CNTN5: variants seen among roughly 807,000 people sequenced by gnomAD.
CNTN5 encodes contactin-5.
CNTN5 carries 77 observed loss-of-function variants against 129.1 expected under a neutral mutation model. The observed-to-expected ratio is 0.60, with a 90% confidence interval of 0.50 to 0.72. The LOEUF (loss-of-function observed/expected upper bound fraction) is 0.72, where lower values mean the gene tolerates loss of function less well. Among genes scored for constraint, CNTN5 ranks in the 30% least tolerant of loss-of-function variants. The pLI is 0.00. For synonymous variants in CNTN5, 509 were observed against 465.6 expected, an observed-to-expected ratio of 1.09 and a Z score of -1.20; for missense variants, 1,478 against 1,328.8, an observed-to-expected ratio of 1.11 and a Z score of -1.75.
chr11:99,083,716 A>C (rs147430783), intron 1 of CNTN5, among the ~76,000 whole-genome samples: 1 of 152,204 alleles, frequency 6.6e-6, no homozygotes, highest in African/African-American at 2.4e-5. Context: ...TTTTTAGTGG[A>C]GAAAACATTA....
chr11:99,505,190 A>T (rs1253405646), intron 2 of CNTN5, among the ~76,000 whole-genome samples: 5 of 152,136 alleles, frequency 3.3e-5, no homozygotes, highest in Non-Finnish European at 7.4e-5. Context: ...GGACTTGTTT[A>T]ATTTATATTA....
rs376819903 is a variant in CNTN5 at position 99,684,788 on chromosome 11, G to A, written c.55+128519G>A. 4.0e-3 allele frequency among the ~76,000 whole-genome samples: 614 copies of A among 151,620 alleles called. 4 individuals are homozygous for A. The highest frequency in any genetic ancestry group is 0.013 in the African/African-American group (534 of 41,402). ...CTTTCCTGTTATTTCATATCTGAGG[G>A]ATCTATATTGATGATTCTATTTTGG... On this transcript the variant is annotated intron_variant, in intron 3 of 24. Coordinates refer to ENST00000524871, the MANE Select transcript of CNTN5 (RefSeq NM_014361.4).
chr11:99,566,065 C>T (rs780434017), intron 3 of CNTN5, among the ~76,000 whole-genome samples: 1 of 152,132 alleles, frequency 6.6e-6, no homozygotes, highest in African/African-American at 2.4e-5. Flanking sequence ...CTGCAAATCT[C>T]GTGTTGAAAT....
chr11:99,072,195 A>G (rs1865366249), intron 1 of CNTN5, among the ~76,000 whole-genome samples: 1 of 152,046 alleles, frequency 6.6e-6, no homozygotes, highest in Non-Finnish European at 1.5e-5. Flanking sequence ...TTGGTGATGA[A>G]ATTGTTGAGT....
chr11:99,514,030 A>G (rs1946946682), intron 2 of CNTN5, among the ~76,000 whole-genome samples: 1 of 152,134 alleles, frequency 6.6e-6, no homozygotes, highest in Non-Finnish European at 1.5e-5. Context: ...AATATTTGTT[A>G]TTCATGGAAG....
chr11:99,884,657 T>C (rs1462192013), intron 6 of CNTN5, among the ~76,000 whole-genome samples: 1 of 152,152 alleles, frequency 6.6e-6, no homozygotes, highest in Non-Finnish European at 1.5e-5. Context: ...AGTGAAACTG[T>C]AGAACATATA....
intron 3 of CNTN5, among the ~76,000 whole-genome samples, chr11:99,567,758 C>G (rs1949053746): frequency 6.6e-6 from 1 of 152,114 alleles, no homozygotes; most frequent in East Asian, 1.9e-4. Flanking sequence ...ATAATGGAGA[C>G]TACCTCTGTG....
intron 16 of CNTN5, among the ~76,000 whole-genome samples, chr11:100,246,277 A>G (rs904217562): frequency 1.3e-5 from 2 of 152,172 alleles, no homozygotes; most frequent in Non-Finnish European, 2.9e-5. Flanking sequence ...TAAGGTTGAC[A>G]TTATCATTCT....
intron 2 of CNTN5, among the ~76,000 whole-genome samples, chr11:99,334,630 T>C (rs1866143339): frequency 6.6e-6 from 1 of 152,150 alleles, no homozygotes; most frequent in Admixed American, 6.6e-5. Context: ...TAAAGATAGC[T>C]ACTAGCCACA....
intron 15 of CNTN5, among the ~76,000 whole-genome samples, chr11:100,195,129 T>G (rs540499936): frequency 6.6e-6 from 1 of 152,150 alleles, no homozygotes; most frequent in African/African-American, 2.4e-5. Context: ...AACATGGATG[T>G]TGTAAAACAG....
intron 2 of CNTN5, among the ~76,000 whole-genome samples, chr11:99,455,531 T>A (rs1944466493): frequency 6.6e-6 from 1 of 151,154 alleles, no homozygotes. Flanking sequence ...ATCAGAAGAG[T>A]ATGCTGTTGT....
At chr11:99,168,892 T>G (rs1056029999) in intron 1 of CNTN5, among the ~76,000 whole-genome samples, 1 of 152,242 alleles carries the variant, frequency 6.6e-6, no homozygotes, top group African/African-American at 2.4e-5. Flanking sequence ...AGATCTGACT[T>G]TGATTTGAAC....
chr11:99,871,033 A>G (rs939511470), intron 6 of CNTN5, among the ~76,000 whole-genome samples: 2 of 152,122 alleles, frequency 1.3e-5, no homozygotes, highest in African/African-American at 4.8e-5. Context: ...TAAAATGCCT[A>G]ATTTATTTGT....
chr11:99,486,080 T>G (rs1159612308), intron 2 of CNTN5, among the ~76,000 whole-genome samples: 1 of 152,080 alleles, frequency 6.6e-6, no homozygotes, highest in African/African-American at 2.4e-5. Context: ...TACTGTATAA[T>G]ACGTTGAGGA....
chr11:99,618,310 A>G (rs1490697120), intron 3 of CNTN5, among the ~76,000 whole-genome samples: 1 of 152,190 alleles, frequency 6.6e-6, no homozygotes, highest in Non-Finnish European at 1.5e-5. Context: ...AAATTCTTAT[A>G]AACTAACCGA....
At chr11:99,829,252 A>G (rs1947063591) in intron 4 of CNTN5, among the ~76,000 whole-genome samples, 1 of 152,216 alleles carries the variant, frequency 6.6e-6, no homozygotes. Context: ...TGCTATACAT[A>G]TGTCCACATT....
intron 8 of CNTN5, among the ~76,000 whole-genome samples, chr11:99,990,792 T>C: frequency 6.6e-6 from 1 of 152,208 alleles, no homozygotes. Context: ...CTATAACATA[T>C]TTATTTGAAT....
At chr11:100,036,300 G>A (rs1942000481) in intron 9 of CNTN5, among the ~76,000 whole-genome samples, 1 of 151,924 alleles carries the variant, frequency 6.6e-6, no homozygotes, top group African/African-American at 2.4e-5. Flanking sequence ...TTATTTCTGA[G>A]GGCTCTGTTC....
chr11:99,066,496 A>G (rs1183840329), intron 1 of CNTN5, among the ~76,000 whole-genome samples: 1 of 152,130 alleles, frequency 6.6e-6, no homozygotes, highest in Non-Finnish European at 1.5e-5. Flanking sequence ...TAAGATCAAC[A>G]AATTTTTCTC....
Sources: gnomAD v4.1 joint callset for allele counts (sites outside exome capture counted in the v4.1 genomes callset) on GRCh38, gnomAD v4.1.1 for gene constraint, MANE v1.5 for transcripts, NCBI Gene and HGNC (gene_info 2026-07-23, HGNC 2026-07-21) for gene names.